The following NCAM1 variants were observed in gnomAD, a reference collection of about 807,000 sequenced individuals.
NCAM1 encodes neural cell adhesion molecule 1.
In NCAM1, 14 loss-of-function variants were observed where a neutral mutation model predicts 109.8. The observed-to-expected ratio is 0.13, with a 90% CI of 0.08 to 0.20. The LOEUF (loss-of-function observed/expected upper bound fraction) is 0.20, where lower values mean the gene tolerates loss of function less well. NCAM1 is among the 10% of genes least tolerant of loss of function. NCAM1 has a pLI of 1.00. For missense variants in NCAM1, 774 were observed against 1,109.9 expected, an observed-to-expected ratio of 0.70 and a Z score of 4.30; for synonymous variants, 418 against 442.9, an observed-to-expected ratio of 0.94 and a Z score of 0.70.
chr11:113,231,189 GC>G, intron 9 of NCAM1: 1 of 1,535,938 alleles, frequency 6.5e-7, no homozygotes, highest in Non-Finnish European at 8.7e-7. Flanking sequence ...GGAATGTCCT[GC>G]CACAGGTACA....
At chr11:113,215,031 G>A (rs1944489418) in intron 8 of NCAM1, among the ~76,000 whole-genome samples, 1 of 152,132 alleles carries the variant, frequency 6.6e-6, no homozygotes, top group African/African-American at 2.4e-5. Context: ...ATACCATTTT[G>A]TTCTAAAGGC....
chr11:113,105,212 C>T (rs11214489), intron 1 of NCAM1, among the ~76,000 whole-genome samples: 33,199 of 152,062 alleles, frequency 0.22, 3,825 homozygotes, highest in East Asian at 0.48. Context: ...CTGTGGGACC[C>T]CAGTAGCAGA....
intron 1 of NCAM1, among the ~76,000 whole-genome samples, chr11:112,975,521 A>C (rs951537083): frequency 6.6e-6 from 1 of 152,052 alleles, no homozygotes; most frequent in Non-Finnish European, 1.5e-5. Context: ...AAAATGATAA[A>C]TAAGAGTTAT....
chr11:113,007,593 A>AACCC (rs1226900709), intron 1 of NCAM1, among the ~76,000 whole-genome samples: 1 of 152,214 alleles, frequency 6.6e-6, no homozygotes, highest in Non-Finnish European at 1.5e-5. Flanking sequence ...CAATTTTGAA[A>AACCC]ACGAGATGGC....
intron 1 of NCAM1, among the ~76,000 whole-genome samples, chr11:113,102,758 C>T (rs1298603370): frequency 6.6e-6 from 1 of 152,150 alleles, no homozygotes; most frequent in Non-Finnish European, 1.5e-5. Context: ...GAAAGCTGAC[C>T]ATAGATTAGC....
At chr11:113,037,660 G>A (rs143727782) in intron 1 of NCAM1, among the ~76,000 whole-genome samples, 45 of 152,340 alleles carry the variant, frequency 3.0e-4, no homozygotes, top group African/African-American at 1.0e-3. Context: ...GGTCAGTCAC[G>A]TTGGAGTCCC....
intron 1 of NCAM1, among the ~76,000 whole-genome samples, chr11:113,081,459 G>A (rs1394116540): frequency 2.6e-5 from 4 of 152,256 alleles, no homozygotes; most frequent in Non-Finnish European, 5.9e-5. Flanking sequence ...ACTCGCCAAA[G>A]GATGCTACGT....
chr11:113,105,916 T>C (rs188247681), intron 1 of NCAM1, among the ~76,000 whole-genome samples: 2 of 152,368 alleles, frequency 1.3e-5, no homozygotes, highest in Admixed American at 6.5e-5. Context: ...TCTATTTCAG[T>C]AAAGCTGTTA....
chr11:113,231,387 C>A, intron 9 of NCAM1: 1 of 1,245,296 alleles, frequency 8.0e-7, no homozygotes, highest in Non-Finnish European at 1.1e-6. Flanking sequence ...AATCTTGGTA[C>A]TTAGATCAGG....
chr11:113,012,934 G>C (rs1202444002), intron 1 of NCAM1, among the ~76,000 whole-genome samples: 1 of 152,028 alleles, frequency 6.6e-6, no homozygotes, highest in Non-Finnish European at 1.5e-5. Flanking sequence ...TAGGGGAAAA[G>C]GATAATGATG....
At chr11:113,062,440 G>A (rs1301919847) in intron 1 of NCAM1, among the ~76,000 whole-genome samples, 2 of 152,102 alleles carry the variant, frequency 1.3e-5, no homozygotes, top group Non-Finnish European at 2.9e-5. Context: ...CTGGGCGCTG[G>A]ATCTACAGAG....
At position 113,274,110 on chromosome 11, in the gene NCAM1, T is replaced by C. The variant is rs936767971; in HGVS notation, c.2457-1157T>C. ...CACCCTGGGGCCCCCAGTCGGTGTGTTATTCAGTGCCAGGCTGAGTCCCTA... is the reference window on the plus strand; with the variant it reads ...CACCCTGGGGCCCCCAGTCGGTGTGCTATTCAGTGCCAGGCTGAGTCCCTA... On this transcript the variant is annotated intron_variant, in intron 19 of 19. Coordinates refer to ENST00000316851, the MANE Select transcript of NCAM1 (RefSeq NM_181351.5). The surrounding 1 kb of genome is among the most constrained non-coding windows in gnomAD (Gnocchi z 4.1). 5.3e-5 allele frequency among the ~76,000 whole-genome samples: 8 copies of C among 152,174 alleles called. No individual in the cohort carries two copies. The East Asian group carries it at 1.5e-3, about 29-fold the overall frequency.
At chr11:113,185,150 G>A (rs1201794967) in intron 1 of NCAM1, among the ~76,000 whole-genome samples, 5 of 148,886 alleles carry the variant, frequency 3.4e-5, no homozygotes, top group African/African-American at 7.5e-5. Flanking sequence ...AGTTATGGAG[G>A]CTGAGATATC....
chr11:113,169,697 G>A (rs1276869044), intron 1 of NCAM1, among the ~76,000 whole-genome samples: 2 of 147,418 alleles, frequency 1.4e-5, no homozygotes, highest in Non-Finnish European at 3.0e-5. Context: ...TTGCGATCTC[G>A]GCTCACTGCA....
intron 7 of NCAM1, among the ~76,000 whole-genome samples, chr11:113,212,442 A>G (rs1371078577): frequency 6.6e-6 from 1 of 152,188 alleles, no homozygotes; most frequent in East Asian, 1.9e-4. Flanking sequence ...ATATTAATAG[A>G]TGGCAACTGA....
At chr11:113,006,185 T>A (rs147945748) in intron 1 of NCAM1, among the ~76,000 whole-genome samples, 1,628 of 152,340 alleles carry the variant, frequency 0.011, 11 homozygotes, top group Non-Finnish European at 0.018. Flanking sequence ...TTGGACATAT[T>A]TTCACGCACA....
rs546205376 is a variant in NCAM1 at position 113,125,796 on chromosome 11, A to G, written c.53-76583A>G. 6.6e-5 allele frequency among the ~76,000 whole-genome samples: 10 copies of G among 152,264 alleles called. No homozygotes were observed. The East Asian group carries it at 9.7e-4, about 15-fold the overall frequency. On this transcript the variant is annotated intron_variant, in intron 1 of 19. Coordinates refer to ENST00000316851, the MANE Select transcript of NCAM1 (RefSeq NM_181351.5). ...GCAGCTGGCTTTTGTCCCACATTGCAAAGTGTGATCCTAAATCTTTGAGTC... is the reference window on the plus strand; with the variant it reads ...GCAGCTGGCTTTTGTCCCACATTGCGAAGTGTGATCCTAAATCTTTGAGTC...
chr11:113,042,846 C>G (rs1048472655), intron 1 of NCAM1, among the ~76,000 whole-genome samples: 1 of 152,276 alleles, frequency 6.6e-6, no homozygotes. Context: ...TTAGATTCAT[C>G]TTCATAAAGC....
chr11:113,054,496 G>T (rs1953618992), intron 1 of NCAM1, among the ~76,000 whole-genome samples: 1 of 152,098 alleles, frequency 6.6e-6, no homozygotes, highest in Non-Finnish European at 1.5e-5. Context: ...ATTTCATTGG[G>T]TAGTCCCTGA....
Sources: gnomAD v4.1 joint callset for allele counts (sites outside exome capture counted in the v4.1 genomes callset) on GRCh38, gnomAD v4.1.1 for gene constraint, Gnocchi (gnomAD v3.1) non-coding constraint, MANE v1.5 for transcripts, NCBI Gene and HGNC (gene_info 2026-07-23, HGNC 2026-07-21) for gene names.